RNF135: variants seen among roughly 807,000 people sequenced by gnomAD.
The protein encoded by RNF135 is E3 ubiquitin-protein ligase RNF135.
RNF135 carries 46 observed loss-of-function variants against 41.9 expected under a neutral mutation model. The ratio of observed to expected loss-of-function variants is 1.10; its 90% CI spans 0.87 to 1.40. The LOEUF (loss-of-function observed/expected upper bound fraction) is 1.40, where lower values mean the gene tolerates loss of function less well. Ranked by LOEUF, RNF135 falls within the 40% of genes most tolerant of loss-of-function variation. The probability of loss-of-function intolerance (pLI) is 0.00; values close to 1 mark genes in which losing one functional copy is unlikely to be tolerated. For synonymous variants in RNF135, 238 were observed against 223.8 expected, an observed-to-expected ratio of 1.06 and a Z score of -0.57; for missense variants, 539 against 549.8, an observed-to-expected ratio of 0.98 and a Z score of 0.20.
chr17:30,968,161 G>A (rs1029869268), upstream of RNF135, among the ~76,000 whole-genome samples: 8 of 151,174 alleles, frequency 5.3e-5, no homozygotes, highest in Non-Finnish European at 1.2e-4. Context: ...GGTGGCGAGC[G>A]CCTGTAATCT....
In RNF135 at chr17:30,998,855, T is replaced by A; in HGVS notation, c.963T>A (p.Asn321Lys). The change falls in exon 5 of 5, where the codon AAT (asparagine) becomes AAA (lysine). Residue 321 changes from asparagine (N) to lysine (K), a missense_variant. By Grantham distance (94) the Asn-to-Lys change is moderately conservative (BLOSUM62 0). Coordinates refer to ENST00000328381, the MANE Select transcript of RNF135 (RefSeq NM_032322.4). Reference sequence around the variant, plus strand: ...ATTACTGGGAAGTGGACACTAGGAATTGCAGCCACTGGGCAGTTGGGGTGG... The same window carrying A: ...ATTACTGGGAAGTGGACACTAGGAAATGCAGCCACTGGGCAGTTGGGGTGG... Reference protein sequence around the residue: ...GKHYWEVDTRNCSHWAVGVAS... With the variant: ...GKHYWEVDTRKCSHWAVGVAS... The A allele has an allele frequency of 6.2e-7, 1 of 1,612,936 alleles. No individual in the cohort carries two copies. The highest frequency in any genetic ancestry group is 8.5e-7 in the Non-Finnish European group (1 of 1,179,356).
the RNF135 span, among the ~76,000 whole-genome samples, chr17:30,963,449 G>A: frequency 1.3e-5 from 2 of 151,812 alleles, no homozygotes; most frequent in African/African-American, 2.4e-5. Flanking sequence ...GGGTGTGGTT[G>A]TAGTCCCAGC....
At chr17:30,972,364 C>G (rs1369641535) in intron 1 of RNF135, 1 of 152,148 alleles carries the variant, frequency 6.6e-6, no homozygotes, top group African/African-American at 2.4e-5. Context: ...CTGCCCGCCT[C>G]GGCTTCCTAA....
chr17:30,974,929 C>G (rs1021827555), intron 1 of RNF135, among the ~76,000 whole-genome samples: 1 of 151,958 alleles, frequency 6.6e-6, no homozygotes, highest in South Asian at 2.1e-4. Context: ...CTGCCTGCCT[C>G]GGCCTCCCAA....
At chr17:30,975,983 A>G (rs977787231) in intron 1 of RNF135, 8 of 370,588 alleles carry the variant, frequency 2.2e-5, no homozygotes, top group African/African-American at 1.5e-4. Flanking sequence ...TCACATGTAA[A>G]AAAAAATAAA....
At chr17:30,970,898 G>A (rs1283305405), upstream of RNF135, 1 of 874,048 alleles carries the variant, frequency 1.1e-6, no homozygotes, top group Non-Finnish European at 1.7e-6. Flanking sequence ...GGCACTGGAG[G>A]CTCTAAGTCT....
chr17:30,993,766 C>G (rs1362449282), intron 3 of RNF135: 1 of 956,550 alleles, frequency 1.0e-6, no homozygotes, highest in Non-Finnish European at 1.5e-6. Flanking sequence ...AATTTTTTTC[C>G]TTTCTTTTTC....
At chr17:30,963,385 A>G in the RNF135 span, among the ~76,000 whole-genome samples, 1 of 151,936 alleles carries the variant, frequency 6.6e-6, no homozygotes, top group African/African-American at 2.4e-5. Context: ...GATCGAGACC[A>G]TCCTGGCTAA....
At position 30,988,478 on chromosome 17, in the gene RNF135, A is replaced by C. The variant is rs530601489; in HGVS notation, c.679+372A>C. Reference sequence around the variant, plus strand: ...AGTCTCACTCTGTCGCCCAGGCTGGAGTGCAGTGGCACCATCTGGGCTCAC... The same window carrying C: ...AGTCTCACTCTGTCGCCCAGGCTGGCGTGCAGTGGCACCATCTGGGCTCAC... On this transcript the variant is annotated intron_variant, in intron 3 of 4. Transcript: ENST00000328381. 9.1e-4 allele frequency among the ~76,000 whole-genome samples: 102 copies of C among 112,458 alleles called. 2 individuals are homozygous for C. The highest frequency in any genetic ancestry group is 3.6e-3 in the African/African-American group (102 of 28,504). The allele number at this position is 112,458 out of a possible 152,430, so 73.8% of individuals were successfully genotyped here. A position where few individuals can be genotyped will look rare whatever the true frequency, so the allele number is the denominator to read the frequency against.
At chr17:30,960,009 G>GA in the RNF135 span, among the ~76,000 whole-genome samples, 1 of 148,740 alleles carries the variant, frequency 6.7e-6, no homozygotes, top group Non-Finnish European at 1.5e-5. Context: ...AAAAGAAAAA[G>GA]AAAAGAAAAT....
chr17:30,971,686 C>T, intron 1 of RNF135: 2 of 1,331,456 alleles, frequency 1.5e-6, no homozygotes, highest in Middle Eastern at 2.8e-4. Context: ...CACAGCTTGG[C>T]ATATTTCAAC....
chr17:30,993,924 C>A (rs1370346191), intron 3 of RNF135: 5 of 598,238 alleles, frequency 8.4e-6, no homozygotes, highest in Non-Finnish European at 1.5e-5. Context: ...CTTCCTAAGA[C>A]TCCCAAGTAG....
chr17:30,983,347 A>ATT (rs1907334924), intron 1 of RNF135, among the ~76,000 whole-genome samples: 3 of 36,864 alleles, frequency 8.1e-5, no homozygotes, highest in African/African-American at 2.9e-4. Context: ...ATATATATAT[A>ATT]TATATATTTT....
At chr17:30,986,516 A>G (rs1370197808) in intron 2 of RNF135, among the ~76,000 whole-genome samples, 1 of 152,040 alleles carries the variant, frequency 6.6e-6, no homozygotes, top group Non-Finnish European at 1.5e-5. Context: ...TCTTTTGTCC[A>G]CCATTGTGTC....
chr17:30,986,558 C>G (rs190285207), intron 2 of RNF135, among the ~76,000 whole-genome samples: 1 of 152,198 alleles, frequency 6.6e-6, no homozygotes, highest in Non-Finnish European at 1.5e-5. Context: ...CAAGTACCCA[C>G]TTACAGTAGG....
chr17:30,993,510 T>G (rs148737121), intron 3 of RNF135, among the ~76,000 whole-genome samples: 2 of 152,150 alleles, frequency 1.3e-5, no homozygotes, highest in Non-Finnish European at 2.9e-5. Context: ...GAGCCCCTAG[T>G]GAATTTTAAG....
the RNF135 span, among the ~76,000 whole-genome samples, chr17:30,962,780 A>G: frequency 1.3e-5 from 2 of 152,104 alleles, no homozygotes; most frequent in Admixed American, 6.5e-5. Flanking sequence ...CTTTTAAACT[A>G]AGAAGACAAG....
chr17:30,969,759 CTTTTTTTTT>C (rs757330088), upstream of RNF135, among the ~76,000 whole-genome samples: 172 of 122,648 alleles, frequency 1.4e-3, no homozygotes, highest in South Asian at 5.0e-3. Context: ...TCTTTTTTTT[CTTTTTTTTT>C]TTTTTTTTTT....
At chr17:30,960,730 A>AT in the RNF135 span, among the ~76,000 whole-genome samples, 2 of 135,332 alleles carry the variant, frequency 1.5e-5, no homozygotes, top group African/African-American at 3.6e-5. Flanking sequence ...ATTTTATTTT[A>AT]TTTATTTTAT....
Sources: gnomAD v4.1 joint callset for allele counts (sites outside exome capture counted in the v4.1 genomes callset) on GRCh38, gnomAD v4.1.1 for gene constraint, MANE v1.5 for transcripts, NCBI Gene and HGNC (gene_info 2026-07-23, HGNC 2026-07-21) for gene names.